Variants in NUBPL observed in about 807,000 individuals in gnomAD.
NUBPL encodes iron-sulfur cluster transfer protein NUBPL.
A neutral mutation model predicts 45.7 loss-of-function variants in NUBPL; 31 were observed. The observed-to-expected ratio is 0.68, with a 90% CI of 0.51 to 0.92. The LOEUF (loss-of-function observed/expected upper bound fraction) is 0.92, where lower values mean the gene tolerates loss of function less well. NUBPL is among the 40% of genes least tolerant of loss of function. The pLI is 0.00. For missense variants in NUBPL, 401 were observed against 398.7 expected, an observed-to-expected ratio of 1.01 and a Z score of -0.05; for synonymous variants, 144 against 140.9, an observed-to-expected ratio of 1.02 and a Z score of -0.15.
At chr14:31,628,606 T>C (rs954903234) in intron 4 of NUBPL, among the ~76,000 whole-genome samples, 1 of 152,246 alleles carries the variant, frequency 6.6e-6, no homozygotes, top group Non-Finnish European at 1.5e-5. Context: ...GTATGCTAAA[T>C]ACCCATGTCT....
At chr14:31,624,690 G>A (rs188339975) in intron 4 of NUBPL, among the ~76,000 whole-genome samples, 51 of 152,124 alleles carry the variant, frequency 3.4e-4, no homozygotes, top group African/African-American at 9.6e-4. Flanking sequence ...TCAGCCTCCC[G>A]AGTAGCTTGG....
At chr14:31,790,558 C>G (rs894804687) in intron 7 of NUBPL, among the ~76,000 whole-genome samples, 6 of 152,178 alleles carry the variant, frequency 3.9e-5, no homozygotes, top group Non-Finnish European at 7.3e-5. Flanking sequence ...AGCTATTAAA[C>G]AGTAACTCTC....
At chr14:31,599,114 C>T (rs1566437783) in intron 3 of NUBPL, 175 bp from the exon 4 acceptor site, 2 of 644,574 alleles carry the variant, frequency 3.1e-6, no homozygotes, top group East Asian at 5.6e-5. Context: ...GCAATTTATG[C>T]TCTTTTACTT....
chr14:31,629,909 T>A (rs1336051483), intron 4 of NUBPL, among the ~76,000 whole-genome samples: 2 of 152,150 alleles, frequency 1.3e-5, no homozygotes, highest in Non-Finnish European at 2.9e-5. Context: ...GGCCCATGAT[T>A]TGTGCTATTA....
chr14:31,673,229 C>T (rs899234048), intron 4 of NUBPL, 126 bp from the exon 5 acceptor site: 1 of 706,184 alleles, frequency 1.4e-6, no homozygotes, highest in African/African-American at 1.8e-5. Flanking sequence ...TTACGTTGTA[C>T]CCCGTAAACA....
intron 4 of NUBPL, among the ~76,000 whole-genome samples, chr14:31,671,744 C>T (rs920453820): frequency 6.6e-6 from 1 of 152,190 alleles, no homozygotes; most frequent in Non-Finnish European, 1.5e-5. Context: ...AACATACACT[C>T]ATTGAGTATT....
At chr14:31,588,230 A>G (rs143783961) in intron 3 of NUBPL, among the ~76,000 whole-genome samples, 52 of 152,282 alleles carry the variant, frequency 3.4e-4, no homozygotes, top group African/African-American at 1.2e-3. Flanking sequence ...GTTATTGTAT[A>G]CCTACTTTAT....
At chr14:31,816,619 G>T (rs2039922556) in intron 7 of NUBPL, among the ~76,000 whole-genome samples, 1 of 152,070 alleles carries the variant, frequency 6.6e-6, no homozygotes, top group African/African-American at 2.4e-5. Flanking sequence ...TAATTGTGAT[G>T]TTAGGGTGTC....
chr14:31,579,953 A>G (rs896753403), intron 3 of NUBPL, among the ~76,000 whole-genome samples: 1 of 152,244 alleles, frequency 6.6e-6, no homozygotes, highest in Admixed American at 6.5e-5. Context: ...ACTGTGAAGG[A>G]TTTGTTCCAT....
intron 6 of NUBPL, among the ~76,000 whole-genome samples, chr14:31,746,201 T>C (rs1392734278): frequency 6.6e-6 from 1 of 152,030 alleles, no homozygotes; most frequent in Non-Finnish European, 1.5e-5. Context: ...GCCTAATTGC[T>C]CTGGCTAGGA....
chr14:31,723,156 C>T (rs2139954933), intron 6 of NUBPL, among the ~76,000 whole-genome samples: 1 of 152,286 alleles, frequency 6.6e-6, no homozygotes, highest in Admixed American at 6.5e-5. Flanking sequence ...GAATCTTCTG[C>T]ATATGGCCAG....
At chr14:31,617,957 T>C (rs1395796707) in intron 4 of NUBPL, among the ~76,000 whole-genome samples, 4 of 152,152 alleles carry the variant, frequency 2.6e-5, no homozygotes, top group Admixed American at 1.3e-4. Context: ...TTTCAGAACT[T>C]GTTTTTGGTC....
At chr14:31,825,670 CT>C (rs947530534) in intron 7 of NUBPL, among the ~76,000 whole-genome samples, 50 of 133,756 alleles carry the variant, frequency 3.7e-4, no homozygotes, top group East Asian at 1.9e-3. Flanking sequence ...TTTTCCTTTT[CT>C]TTTTTTCTCT....
chr14:31,618,650 TG>T (rs2034975942), intron 4 of NUBPL, among the ~76,000 whole-genome samples: 1 of 152,222 alleles, frequency 6.6e-6, no homozygotes, highest in African/African-American at 2.4e-5. Context: ...CTGTTTGTTA[TG>T]ATTTCTGTTC....
At chr14:31,758,840 G>A (rs1347674539) in intron 6 of NUBPL, among the ~76,000 whole-genome samples, 1 of 152,090 alleles carries the variant, frequency 6.6e-6, no homozygotes, top group Non-Finnish European at 1.5e-5. Context: ...AAGTAATTTT[G>A]CATTCTACTG....
At chr14:31,834,376 T>G (rs921352358) in intron 8 of NUBPL, among the ~76,000 whole-genome samples, 1 of 152,048 alleles carries the variant, frequency 6.6e-6, no homozygotes, top group Non-Finnish European at 1.5e-5. Flanking sequence ...AGACGGGGTT[T>G]CACCGTGTTA....
chr14:31,679,980 T>TATTTTTTG (rs1327022666), intron 6 of NUBPL, among the ~76,000 whole-genome samples: 2 of 152,184 alleles, frequency 1.3e-5, no homozygotes, highest in Non-Finnish European at 2.9e-5. Context: ...ATGTAATTTA[T>TATTTTTTG]ATTTTTTGAT....
chr14:31,563,695 G>T, intron 2 of NUBPL, among the ~76,000 whole-genome samples: 1 of 152,156 alleles, frequency 6.6e-6, no homozygotes, highest in East Asian at 1.9e-4. Context: ...AGATTAGAAT[G>T]ATGACATTTG....
chr14:31,638,265 C>T (rs1457729540), intron 4 of NUBPL, among the ~76,000 whole-genome samples: 1 of 151,804 alleles, frequency 6.6e-6, no homozygotes, highest in Non-Finnish European at 1.5e-5. Context: ...CCTTCAGGAG[C>T]TCTTTTAGGG....
Sources: allele counts gnomAD v4.1 joint callset (sites outside exome capture counted in the v4.1 genomes callset), GRCh38; gene constraint gnomAD v4.1.1; transcripts MANE v1.5; gene names NCBI Gene and HGNC (gene_info 2026-07-23, HGNC 2026-07-21).